The following ARSJ variants were observed in gnomAD, a reference collection of about 807,000 sequenced individuals.
The protein encoded by ARSJ is arylsulfatase J.
ARSJ carries 26 observed loss-of-function variants against 35.9 expected under a neutral mutation model. The observed-to-expected ratio is 0.72, with a 90% confidence interval of 0.53 to 1.00. ARSJ has a LOEUF of 1.00. Ranked by LOEUF, ARSJ falls within the 50% of genes least tolerant of loss-of-function variation. The probability of loss-of-function intolerance (pLI) is 0.00; values close to 1 mark genes in which losing one functional copy is unlikely to be tolerated. For synonymous variants in ARSJ, 294 were observed against 267.6 expected (o/e 1.10, Z -0.96); for missense variants, 667 against 723.6 (o/e 0.92, Z 0.90).
chr4:113,902,672 G>T lies in ARSJ; in HGVS notation c.1402C>A (p.Pro468Thr). The part of the protein sequence containing the change: ...TGNPGYSDWV[P>T]PQSFSNLGPN... ...CCCAGGTTGCTGAAAGACTGAGGGGGGACCCAGTCGCTGTAGCCAGGATTT... is the reference window on the plus strand; with the variant it reads ...CCCAGGTTGCTGAAAGACTGAGGGGTGACCCAGTCGCTGTAGCCAGGATTT... The change falls in exon 2 of 2, where the codon CCC (proline) becomes ACC (threonine). Residue 468 changes from proline (P) to threonine (T), a missense_variant. By Grantham distance (38) the Pro-to-Thr change is conservative (BLOSUM62 -1). Transcript: ENST00000315366. 1 of 1,614,170 alleles carries T rather than the reference G, an allele frequency of 6.2e-7. No individual in the cohort carries two copies. Among genetic ancestry groups the T allele is most frequent in the South Asian group, 1.1e-5 (1 of 91,072 alleles).
At chr4:113,962,841 G>A (rs1481148920) in intron 1 of ARSJ, among the ~76,000 whole-genome samples, 1 of 152,034 alleles carries the variant, frequency 6.6e-6, no homozygotes, top group Non-Finnish European at 1.5e-5. Flanking sequence ...CCCTGCCTGT[G>A]CCTACATTAC....
chr4:113,954,069 A>G (rs1726024582), intron 1 of ARSJ, among the ~76,000 whole-genome samples: 1 of 152,064 alleles, frequency 6.6e-6, no homozygotes, highest in Non-Finnish European at 1.5e-5. Context: ...AGAGGTAATT[A>G]AAATAATATA....
chr4:113,969,752 A>C (rs1215673693), intron 1 of ARSJ, among the ~76,000 whole-genome samples: 1 of 152,232 alleles, frequency 6.6e-6, no homozygotes, highest in African/African-American at 2.4e-5. Context: ...ATTTCTTCTC[A>C]ATCACATTGC....
rs1385234608 is a variant in ARSJ at position 113,902,074 on chromosome 4, G to C, written c.*200C>G. 6.6e-7 allele frequency: 1 copy of C among 1,517,478 alleles called. No individual in the cohort carries two copies. The highest frequency in any genetic ancestry group is 8.9e-7 in the Non-Finnish European group (1 of 1,126,904). 94.0% of individuals were successfully genotyped at this position (1,517,478 alleles called of 1,614,324 possible). A position where few individuals can be genotyped will look rare whatever the true frequency, so the allele number is the denominator to read the frequency against. ...TCTCCACTCTCTCTAAGTGTGGCTT[G>C]CAAGAGTAGCACCTTGGCACTGAGC... On this transcript the variant is annotated 3_prime_UTR_variant, in exon 2 of 2. Transcript: ENST00000315366.
At chr4:113,960,833 C>A (rs747038704) in intron 1 of ARSJ, among the ~76,000 whole-genome samples, 1 of 152,006 alleles carries the variant, frequency 6.6e-6, no homozygotes, top group African/African-American at 2.4e-5. Context: ...TGGAGATTGG[C>A]AGAAGTGCCC....
In ARSJ at chr4:113,924,066, AATAT is replaced by A. The variant is rs1403326700; in HGVS notation, c.399-20395_399-20392del. ...ATATAAATATATATAAATATATATAAATATATATAAATATATATATATATATATA... is the reference window on the plus strand; with the variant it reads ...ATATAAATATATATAAATATATATAAATATAAATATATATATATATATATA... On this transcript the variant is annotated intron_variant, in intron 1 of 1. Transcript: ENST00000315366. 1.9e-5 allele frequency among the ~76,000 whole-genome samples: 2 copies of A among 107,482 alleles called. 1 individual carries two copies. The highest frequency in any genetic ancestry group is 3.5e-5 in the Non-Finnish European group (2 of 56,640). 70.5% of individuals were successfully genotyped at this position (107,482 alleles called of 152,430 possible).
At position 113,949,148 on chromosome 4, in the gene ARSJ, T is replaced by C. The variant is rs955459573; in HGVS notation, c.398+29289A>G. Among the ~76,000 whole-genome samples the C allele has an allele frequency of 3.3e-5, 5 of 149,618 alleles. No individual in the cohort carries two copies. In the Admixed American group the frequency reaches 3.3e-4, roughly 10 times the overall value. On this transcript the variant is annotated intron_variant, in intron 1 of 1. Transcript: ENST00000315366. ...AAGTGGGAGTTGAACAATGAGAACA[T>C]ATGGGCACAGGGAGGGGAACATAAC...
chr4:113,974,594 G>A (rs749809315), intron 1 of ARSJ, among the ~76,000 whole-genome samples: 1 of 152,086 alleles, frequency 6.6e-6, no homozygotes, highest in Non-Finnish European at 1.5e-5. Context: ...TAGTTGTCAG[G>A]AAAATGCAAA....
chr4:113,943,932 T>C (rs1050125743), intron 1 of ARSJ, among the ~76,000 whole-genome samples: 1 of 151,992 alleles, frequency 6.6e-6, no homozygotes, highest in Non-Finnish European at 1.5e-5. Context: ...AGGCTGAGTC[T>C]TGTAATTTGG....
chr4:113,939,033 G>T (rs1724949705), intron 1 of ARSJ, among the ~76,000 whole-genome samples: 1 of 150,426 alleles, frequency 6.6e-6, no homozygotes, highest in South Asian at 2.1e-4. Flanking sequence ...TTTAGCATTA[G>T]GTATATCTCC....
At chr4:113,938,585 CA>C (rs1724919633) in intron 1 of ARSJ, among the ~76,000 whole-genome samples, 1 of 152,070 alleles carries the variant, frequency 6.6e-6, no homozygotes, top group Non-Finnish European at 1.5e-5. Flanking sequence ...AAGAAACTAT[CA>C]TCACAGTGTA....
intron 1 of ARSJ, among the ~76,000 whole-genome samples, chr4:113,924,910 G>T (rs902076980): frequency 6.6e-6 from 1 of 152,056 alleles, no homozygotes; most frequent in African/African-American, 2.4e-5. Flanking sequence ...CCCTCTGCAA[G>T]CACCTCAGCA....
At chr4:113,961,905 GTGTGTGTGTGTGTGT>G (rs1726568742) in intron 1 of ARSJ, among the ~76,000 whole-genome samples, 1 of 2,556 alleles carries the variant, frequency 3.9e-4, no homozygotes, top group African/African-American at 2.5e-3. Context: ...CTCTGTGTGT[GTGTGTGTGTGTGTGT>G]GTGTGTGTGT....
intron 1 of ARSJ, among the ~76,000 whole-genome samples, chr4:113,919,484 G>T (rs554912642): frequency 6.6e-6 from 1 of 152,230 alleles, no homozygotes; most frequent in East Asian, 1.9e-4. Context: ...AAATTATAAC[G>T]TGCTCAACTA....
chr4:113,959,732 TGA>T (rs1187578592), intron 1 of ARSJ, among the ~76,000 whole-genome samples: 3 of 152,086 alleles, frequency 2.0e-5, no homozygotes, highest in African/African-American at 7.2e-5. Flanking sequence ...ATAATCAACA[TGA>T]GATTAACTGT....
intron 1 of ARSJ, among the ~76,000 whole-genome samples, chr4:113,962,743 A>G (rs1373772707): frequency 1.3e-5 from 2 of 152,050 alleles, no homozygotes; most frequent in Non-Finnish European, 2.9e-5. Flanking sequence ...CCACTAAAGC[A>G]GTTCTGTTAA....
In ARSJ at chr4:113,903,284, C is replaced by A; in HGVS notation, c.790G>T (p.Ala264Ser). 6.2e-7 allele frequency: 1 copy of A among 1,614,058 alleles called. No homozygotes were observed. Residue 264 changes from alanine (A) to serine (S), a missense_variant, in exon 2 of 2, where the codon GCC (alanine) becomes TCC (serine). Transcript: ENST00000315366. Reference sequence around the variant, plus strand: ...AGTGGTGAATGAACAGCTTGATAGGCAATATATAAAAATATAGGCTTTGTG... The same window carrying A: ...AGTGGTGAATGAACAGCTTGATAGGAAATATATAAAAATATAGGCTTTGTG... ...NPTKPIFLYIAYQAVHSPLQA... is the reference protein window; with the variant it reads ...NPTKPIFLYISYQAVHSPLQA...
At chr4:113,974,939 T>C (rs1329255592) in intron 1 of ARSJ, among the ~76,000 whole-genome samples, 1 of 152,156 alleles carries the variant, frequency 6.6e-6, no homozygotes, top group Non-Finnish European at 1.5e-5. Context: ...AACAGTAGAA[T>C]GGGTAAATAA....
At chr4:113,923,647 C>G (rs1157411977) in intron 1 of ARSJ, among the ~76,000 whole-genome samples, 1 of 152,016 alleles carries the variant, frequency 6.6e-6, no homozygotes, top group African/African-American at 2.4e-5. Context: ...TCCTTTCCAA[C>G]ATCCTATTTG....
Sources: allele counts gnomAD v4.1 joint callset (sites outside exome capture counted in the v4.1 genomes callset), GRCh38; gene constraint gnomAD v4.1.1; transcripts MANE v1.5; gene names NCBI Gene and HGNC (gene_info 2026-07-23, HGNC 2026-07-21).